KIF26A: variants seen among roughly 807,000 people sequenced by gnomAD.
KIF26A encodes the protein kinesin-like protein KIF26A.
Under a neutral mutation model 126.0 loss-of-function variants are expected in KIF26A, and 74 were observed. The observed-to-expected ratio is 0.59, with a 90% CI of 0.49 to 0.71. KIF26A has a LOEUF of 0.71. Ranked by LOEUF, KIF26A falls within the 30% of genes least tolerant of loss-of-function variation. The pLI, the probability that KIF26A is intolerant of heterozygous loss-of-function variation, is 0.00. For synonymous variants in KIF26A, 1,445 were observed against 1,232.7 expected, an observed-to-expected ratio of 1.17 and a Z score of -3.61; for missense variants, 2,984 against 2,763.3, an observed-to-expected ratio of 1.08 and a Z score of -1.79.
Position 104,174,158 on chromosome 14 carries a change from C to A in KIF26A, c.2041C>A (p.Leu681Ile). Residue 681 changes from leucine (L) to isoleucine (I), a missense_variant, in exon 11 of 15, where the codon CTC (leucine) becomes ATC (isoleucine). By Grantham distance (5) the Leu-to-Ile change is conservative (BLOSUM62 2). Coordinates refer to ENST00000423312, the MANE Select transcript of KIF26A (RefSeq NM_015656.2). The stretch of plus-strand genomic sequence containing the variant: ...CGCCTCGACCCGCAGGGACCACAGG[C>A]TCACCATGCTGCTGCGTGAATCCCT... ...AKHVPYRDHR[L>I]TMLLRESLAT... The A allele has an allele frequency of 1.3e-6, 2 of 1,575,444 alleles. No homozygotes were observed. Among genetic ancestry groups the A allele is most frequent in the African/African-American group, 1.4e-5 (1 of 73,930 alleles).
intron 2 of KIF26A, among the ~76,000 whole-genome samples, chr14:104,146,857 C>CG (rs1363856620): frequency 6.6e-6 from 1 of 152,104 alleles, no homozygotes; most frequent in Non-Finnish European, 1.5e-5. Flanking sequence ...TGACAGGAGG[C>CG]GGGCGCTCTG....
At chr14:104,144,539 C>T (rs1455144173) in intron 2 of KIF26A, among the ~76,000 whole-genome samples, 2 of 152,206 alleles carry the variant, frequency 1.3e-5, no homozygotes, top group Non-Finnish European at 2.9e-5. Flanking sequence ...CCAAAGCTCC[C>T]TTAAGTACCC....
At chr14:104,164,791 C>T (rs1328210474) in intron 4 of KIF26A, among the ~76,000 whole-genome samples, 1 of 150,578 alleles carries the variant, frequency 6.6e-6, no homozygotes, top group Non-Finnish European at 1.5e-5. Flanking sequence ...GTGTGTGTGT[C>T]TGCATTTCTC....
chr14:104,174,357 C>T, intron 11 of KIF26A, 47 bp downstream of exon 11: 1 of 1,468,566 alleles, frequency 6.8e-7, no homozygotes, highest in Admixed American at 2.2e-5. Flanking sequence ...GTCTCGGCTC[C>T]TGTGTCCACT....
chr14:104,176,742 AG>A lies in KIF26A; in HGVS notation c.3955del (p.Ala1319LeufsTer18), dbSNP rs2038033726. 6.3e-7 allele frequency: 1 copy of A among 1,587,950 alleles called. No homozygotes were observed. The highest frequency in any genetic ancestry group is 8.6e-7 in the Non-Finnish European group (1 of 1,168,502). Reference sequence around the variant, plus strand: ...CCACCACGCTGGGTGTGACAACGCCAGCTGTGTCCTGGGGAGATGCTCCCAC... The same window carrying A: ...CCACCACGCTGGGTGTGACAACGCCACTGTGTCCTGGGGAGATGCTCCCAC... ...GATTLGVTTP[A>X]VSWGDAPTEV... On this transcript the variant is annotated frameshift_variant, in exon 12 of 15. Coordinates refer to ENST00000423312, the MANE Select transcript of KIF26A (RefSeq NM_015656.2). LOFTEE classifies it high-confidence loss of function.
chr14:104,155,344 C>T lies in KIF26A; in HGVS notation c.736-2411C>T, dbSNP rs28454421. 6.5e-3 allele frequency among the ~76,000 whole-genome samples: 985 copies of T among 152,286 alleles called. 8 individuals carry two copies. Among genetic ancestry groups the T allele is most frequent in the African/African-American group, 0.022 (924 of 41,556 alleles). On this transcript the variant is annotated intron_variant, in intron 3 of 14. Coordinates refer to ENST00000423312, the MANE Select transcript of KIF26A (RefSeq NM_015656.2). ...TGCTCCACGGAACCCTGGTGTTCCC[C>T]GAGGTTGCAGGTGCTCTCTGCTGGC...
In KIF26A at chr14:104,180,007, G is replaced by A. The variant is rs1547349; in HGVS notation, c.*217G>A. 7.6e-3 allele frequency: 3,608 copies of A among 474,904 alleles called. 21 individuals carry two copies. The highest frequency in any genetic ancestry group is 0.011 in the Admixed American group (280 of 25,958). The allele number at this position is 474,904 out of a possible 1,614,324, so 29.4% of individuals were successfully genotyped here. On this transcript the variant is annotated 3_prime_UTR_variant, in exon 15 of 15. Transcript: ENST00000423312. ...GGTGACCAGAAGACCGTCACCACCC[G>A]ACAGCAACGCAAGTGCCTTTGACCT...
intron 6 of KIF26A, 92 bp from the exon 7 acceptor site, chr14:104,172,483 T>A: frequency 1.2e-6 from 1 of 830,876 alleles, no homozygotes; most frequent in Non-Finnish European, 1.9e-6. Flanking sequence ...GTGGGTCGAC[T>A]GCCTGCATGT....
chr14:104,173,312 C>T lies in KIF26A; in HGVS notation c.1684-18C>T. On this transcript the variant is annotated intron_variant, in intron 8 of 14. Coordinates refer to ENST00000423312, the MANE Select transcript of KIF26A (RefSeq NM_015656.2). ...CCCTGAGCCACTGAAGACGCCGCTG[C>T]CTCTGCCTTTCCTGCAGCTCCAGAA... is the stretch of plus-strand genomic sequence containing the variant. The T allele has an allele frequency of 3.1e-6, 5 of 1,604,634 alleles. No homozygotes were observed. Among genetic ancestry groups the T allele is most frequent in the African/African-American group, 1.3e-5 (1 of 74,890 alleles).
At chr14:104,172,741 G>A in intron 7 of KIF26A, 73 bp downstream of exon 7, 1 of 1,256,938 alleles carries the variant, frequency 8.0e-7, no homozygotes, top group Non-Finnish European at 1.1e-6. Flanking sequence ...GTGGTTGCTG[G>A]CAGCTTCTGA....
At chr14:104,161,305 G>A (rs1247679330) in intron 4 of KIF26A, among the ~76,000 whole-genome samples, 5 of 151,938 alleles carry the variant, frequency 3.3e-5, no homozygotes, top group Non-Finnish European at 7.4e-5. Flanking sequence ...CCTGGGGTGA[G>A]GTGGGGGTAG....
rs370232846 is a variant in KIF26A at position 104,152,372 on chromosome 14, C to G, written c.646C>G (p.Leu216Val). 1.3e-5 allele frequency: 20 copies of G among 1,592,838 alleles called. No individual in the cohort carries two copies. The African/African-American group carries it at 2.4e-4, about 19-fold the overall frequency. Residue 216 changes from leucine (L) to valine (V), a missense_variant, in exon 3 of 15, where the codon CTG becomes GTG. Transcript: ENST00000423312. This position sits in a 1 kb window ranked among gnomAD's most constrained non-coding sequence, Gnocchi z 5.9. Reference sequence around the variant, plus strand: ...AGCACCTGCGGGTCTTGGAGGGGCGCTGAGCACGGTCACCATCCAGGCCCA... The same window carrying G: ...AGCACCTGCGGGTCTTGGAGGGGCGGTGAGCACGGTCACCATCCAGGCCCA... ...SVAPAGLGGA[L>V]STVTIQAQQC...
chr14:104,141,314 G>A (rs2037635052), intron 2 of KIF26A, among the ~76,000 whole-genome samples: 1 of 152,250 alleles, frequency 6.6e-6, no homozygotes, highest in Non-Finnish European at 1.5e-5. Context: ...TGGTGTTCTA[G>A]GATTTCCCCA....
At chr14:104,169,046 G>A (rs1005516098) in intron 5 of KIF26A, among the ~76,000 whole-genome samples, 1 of 152,242 alleles carries the variant, frequency 6.6e-6, no homozygotes, top group Non-Finnish European at 1.5e-5. Flanking sequence ...ATCAGCCTGT[G>A]TTTTGGGCCC....
Position 104,172,730 on chromosome 14 carries a change from G to A in KIF26A, c.1420+62G>A, listed in dbSNP as rs1042409905. 1.4e-4 allele frequency: 185 copies of A among 1,306,834 alleles called. 2 individuals carry two copies. The highest frequency in any genetic ancestry group is 1.8e-4 in the Non-Finnish European group (167 of 929,352). 81.0% of individuals were successfully genotyped at this position (1,306,834 alleles called of 1,614,324 possible). ...GGCCACCCCCTCCCATCCTCATCAC[G>A]GTGGTTGCTGGCAGCTTCTGATGGG... On this transcript the variant is annotated intron_variant, in intron 7 of 14. Transcript: ENST00000423312.
At chr14:104,153,175 G>T (rs994032461) in intron 3 of KIF26A, among the ~76,000 whole-genome samples, 8 of 152,158 alleles carry the variant, frequency 5.3e-5, no homozygotes, top group Non-Finnish European at 1.2e-4. Flanking sequence ...CGGCCTCCCT[G>T]TGACTGGTGA....
At position 104,138,659 on chromosome 14, in the gene KIF26A, C is replaced by T. The variant is rs2141084755; in HGVS notation, c.-64C>T. Reference sequence around the variant, plus strand: ...GCGCCTCGGGGCCGGATCACGTAGCCGCGGCGCCCCCGGAGAGCCAGCGTG... The same window carrying T: ...GCGCCTCGGGGCCGGATCACGTAGCTGCGGCGCCCCCGGAGAGCCAGCGTG... On this transcript the variant is annotated 5_prime_UTR_variant, in exon 1 of 15. Transcript: ENST00000423312. 1.6e-6 allele frequency: 2 copies of T among 1,213,648 alleles called. No individual in the cohort carries two copies. Among genetic ancestry groups the T allele is most frequent in the Non-Finnish European group, 2.1e-6 (2 of 965,388 alleles). The allele number at this position is 1,213,648 out of a possible 1,614,324, so 75.2% of individuals were successfully genotyped here.
At chr14:104,164,024 A>G (rs969689106) in intron 4 of KIF26A, among the ~76,000 whole-genome samples, 5 of 152,146 alleles carry the variant, frequency 3.3e-5, no homozygotes, top group African/African-American at 7.2e-5. Flanking sequence ...ACCATGTGTC[A>G]TAGATTACTT....
intron 9 of KIF26A, 84 bp downstream of exon 9, chr14:104,173,597 T>C: frequency 6.6e-7 from 1 of 1,509,786 alleles, no homozygotes; most frequent in Non-Finnish European, 8.9e-7. Flanking sequence ...ATCCAGTGGC[T>C]CCTGGGGATG....
Sources: gnomAD v4.1 joint callset for allele counts (sites outside exome capture counted in the v4.1 genomes callset) on GRCh38, gnomAD v4.1.1 for gene constraint, Gnocchi (gnomAD v3.1) non-coding constraint, MANE v1.5 for transcripts, NCBI Gene and HGNC (gene_info 2026-07-23, HGNC 2026-07-21) for gene names.